Variants in PXK observed in about 807,000 individuals in gnomAD.
PXK encodes PX domain containing serine/threonine kinase like.
Under a neutral mutation model 84.7 loss-of-function variants are expected in PXK, and 35 were observed. The ratio of observed to expected loss-of-function variants is 0.41; its 90% CI spans 0.32 to 0.55. The LOEUF (loss-of-function observed/expected upper bound fraction) is 0.55. PXK is among the 20% of genes least tolerant of loss of function. PXK has a pLI of 0.21. For missense variants in PXK, 634 were observed against 699.7 expected, an observed-to-expected ratio of 0.91 and a Z score of 1.06; for synonymous variants, 253 against 260.8, an observed-to-expected ratio of 0.97 and a Z score of 0.29.
intron 3 of PXK, among the ~76,000 whole-genome samples, chr3:58,377,796 C>T (rs2098456376): frequency 6.6e-6 from 1 of 152,126 alleles, no homozygotes; most frequent in Non-Finnish European, 1.5e-5. Flanking sequence ...CACAATAAAA[C>T]ACTTTAAGCT....
chr3:58,424,934 G>A lies in PXK; in HGVS notation c.1711G>A (p.Asp571Asn). ...KGTLRKAKTC[D>N]HSAPKIG ...AACTTTGAGGAAAGCCAAAACCTGT[G>A]ATCACAGTGCTCCGAAGATCGGCTG... The change falls in exon 18 of 18, where the codon GAT becomes AAT. Residue 571 changes from aspartate (D) to asparagine (N), a missense_variant. By Grantham distance (23) the Asp-to-Asn change is conservative. This residue lies in a region of PXK where 273 missense variants were observed against 283.6 expected (regional missense o/e 0.96). Transcript: ENST00000356151. 1 of 1,614,070 alleles carries A rather than the reference G, an allele frequency of 6.2e-7. No individual in the cohort carries two copies. The highest frequency in any genetic ancestry group is 1.6e-4 in the Middle Eastern group (1 of 6,062).
At position 58,385,470 on chromosome 3, in the gene PXK, C is replaced by T. The variant is rs1389598573; in HGVS notation, c.388+2770C>T. On this transcript the variant is annotated intron_variant, in intron 4 of 17. Coordinates refer to ENST00000356151, the MANE Select transcript of PXK (RefSeq NM_017771.5). This position sits in a 1 kb window ranked among gnomAD's most constrained non-coding sequence, Gnocchi z 5.1. Reference sequence around the variant, plus strand: ...CGGAACATACCCTGCACGCCTCTCACCTTGTGGCACTTCTCTAAGCAGGGC... The same window carrying T: ...CGGAACATACCCTGCACGCCTCTCATCTTGTGGCACTTCTCTAAGCAGGGC... Among the ~76,000 whole-genome samples, 1 of 152,178 alleles carries T rather than the reference C, an allele frequency of 6.6e-6. No homozygotes were observed. Among genetic ancestry groups the T allele is most frequent in the African/African-American group, 2.4e-5 (1 of 41,438 alleles).
intron 1 of PXK, among the ~76,000 whole-genome samples, chr3:58,361,323 A>G (rs905301727): frequency 6.7e-6 from 1 of 150,144 alleles, no homozygotes; most frequent in Non-Finnish European, 1.5e-5. Flanking sequence ...AAAAAAATGC[A>G]GAGAGATCCC....
Position 58,421,570 on chromosome 3 carries a change from A to G in PXK, c.1529-3182A>G. On this transcript the variant is annotated intron_variant, in intron 17 of 17. Transcript: ENST00000356151. This position sits in a 1 kb window ranked among gnomAD's most constrained non-coding sequence, Gnocchi z 5.5. ...ACTCCAGCCTGGGCAACAGAGCGAG[A>G]CTCCATCTCAGAAAAAAAGGAACTG... 3 of 983,192 alleles carry G rather than the reference A, an allele frequency of 3.1e-6. No homozygotes were observed. The highest frequency in any genetic ancestry group is 3.6e-6 in the Non-Finnish European group (3 of 825,872). The allele number at this position is 983,192 out of a possible 1,614,324, so 60.9% of individuals were successfully genotyped here.
In PXK at chr3:58,412,397, A is replaced by C. The variant is rs972310834; in HGVS notation, c.1466-504A>C. Among the ~76,000 whole-genome samples, 1 of 152,128 alleles carries C rather than the reference A, an allele frequency of 6.6e-6. No homozygotes were observed. ...TAAGAAAAGGGCTGTGAAATCCATA[A>C]ACTGAATAGACTGACCCTATCTAGT... On this transcript the variant is annotated intron_variant, in intron 16 of 17. Coordinates refer to ENST00000356151, the MANE Select transcript of PXK (RefSeq NM_017771.5). This position sits in a 1 kb window ranked among gnomAD's most constrained non-coding sequence, Gnocchi z 6.2.
chr3:58,336,049 ATATATATATATATATATATATATTTT>A lies in PXK; in HGVS notation c.102+2961_102+2986del, dbSNP rs1307822560. Among the ~76,000 whole-genome samples, 259 of 48,512 alleles carry A rather than the reference ATATATATATATATATATATATATTTT, an allele frequency of 5.3e-3. 7 individuals are homozygous for A. Among genetic ancestry groups the A allele is most frequent in the African/African-American group, 0.024 (209 of 8,870 alleles). 31.8% of individuals were successfully genotyped at this position (48,512 alleles called of 152,430 possible). ...TTAACCTTGGGAAACATATATATAT[ATATATATATATATATATATATATTTT>A]TTTTTTTTTTTTTTAATACCAATGG... On this transcript the variant is annotated intron_variant, in intron 1 of 17. Coordinates refer to ENST00000356151, the MANE Select transcript of PXK (RefSeq NM_017771.5).
chr3:58,381,972 T>C (rs74284385), intron 3 of PXK, among the ~76,000 whole-genome samples: 19 of 152,110 alleles, frequency 1.2e-4, no homozygotes, highest in Non-Finnish European at 1.3e-4. Flanking sequence ...ATTATGTTTT[T>C]ATGTAACTTT....
At position 58,400,124 on chromosome 3, in the gene PXK, C is replaced by T. The variant is rs1265631304; in HGVS notation, c.1181+747C>T. On this transcript the variant is annotated intron_variant, in intron 12 of 17. Transcript: ENST00000356151. The surrounding 1 kb of genome is among the most constrained non-coding windows in gnomAD (Gnocchi z 4.0). ...GGGTGACCTTAGACAAATTTCCTAA[C>T]CTCTGGAAGTAGAGTTTTGTGAACT... Among the ~76,000 whole-genome samples the T allele has an allele frequency of 1.3e-5, 2 of 152,150 alleles. No homozygotes were observed. Among genetic ancestry groups the T allele is most frequent in the East Asian group, 3.9e-4 (2 of 5,150 alleles).
intron 1 of PXK, among the ~76,000 whole-genome samples, chr3:58,350,796 G>A (rs1346035240): frequency 6.6e-6 from 1 of 152,174 alleles, no homozygotes; most frequent in Non-Finnish European, 1.5e-5. Context: ...GTGTCTGCAT[G>A]GCATGTGTAC....
intron 3 of PXK, among the ~76,000 whole-genome samples, chr3:58,378,654 C>A (rs1333695818): frequency 1.3e-5 from 2 of 150,828 alleles, no homozygotes; most frequent in South Asian, 2.1e-4. Context: ...CCTGCCTCAG[C>A]CTCCTGAGTA....
At chr3:58,392,034 C>T (rs1462159182) in intron 7 of PXK, among the ~76,000 whole-genome samples, 187 bp downstream of exon 7, 1 of 152,150 alleles carries the variant, frequency 6.6e-6, no homozygotes, top group African/African-American at 2.4e-5. Flanking sequence ...ATGACATCTG[C>T]ACAACCCATG....
intron 1 of PXK, among the ~76,000 whole-genome samples, chr3:58,353,503 A>C (rs1315111153): frequency 1.3e-5 from 2 of 152,218 alleles, no homozygotes; most frequent in East Asian, 1.9e-4. Context: ...GGTAGGTTCT[A>C]GCACTGAAAA....
Position 58,409,436 on chromosome 3 carries a change from C to T in PXK, c.1309-96C>T, listed in dbSNP as rs2059860646. 3 of 1,120,880 alleles carry T rather than the reference C, an allele frequency of 2.7e-6. No individual in the cohort carries two copies. The highest frequency in any genetic ancestry group is 3.2e-5 in the African/African-American group (2 of 63,078). 69.4% of individuals were successfully genotyped at this position (1,120,880 alleles called of 1,614,324 possible). Reference sequence around the variant, plus strand: ...TGAGCAAGGAAAGATTTTCTTTTATCCCAATAAAATGTGGTTTGCCAAAAC... The same window carrying T: ...TGAGCAAGGAAAGATTTTCTTTTATTCCAATAAAATGTGGTTTGCCAAAAC... On this transcript the variant is annotated intron_variant, in intron 14 of 17. Coordinates refer to ENST00000356151, the MANE Select transcript of PXK (RefSeq NM_017771.5). This position sits in a 1 kb window ranked among gnomAD's most constrained non-coding sequence, Gnocchi z 4.2.
At chr3:58,415,247 A>G (rs539409407) in intron 17 of PXK, among the ~76,000 whole-genome samples, 1 of 152,046 alleles carries the variant, frequency 6.6e-6, no homozygotes, top group South Asian at 2.1e-4. Flanking sequence ...GACACTATCT[A>G]CCTGGAGATA....
Position 58,409,177 on chromosome 3 carries a change from G to A in PXK, c.1308+176G>A, listed in dbSNP as rs573792246. Among the ~76,000 whole-genome samples the A allele has an allele frequency of 3.3e-5, 5 of 152,294 alleles. No homozygotes were observed. The South Asian group carries it at 8.3e-4, about 25-fold the overall frequency. ...TGAATACTTGACAGTCCTGCCCTCA[G>A]TCCTGCCTAGTCTATGTGGGAAACA... On this transcript the variant is annotated intron_variant, in intron 14 of 17. Coordinates refer to ENST00000356151, the MANE Select transcript of PXK (RefSeq NM_017771.5). The surrounding 1 kb of genome is among the most constrained non-coding windows in gnomAD (Gnocchi z 4.2).
At chr3:58,393,279 C>T (rs1333052535) in intron 7 of PXK, among the ~76,000 whole-genome samples, 2 of 151,864 alleles carry the variant, frequency 1.3e-5, no homozygotes, top group East Asian at 1.9e-4. Context: ...ACCCGGGAGG[C>T]GGAGCTTGCA....
chr3:58,371,465 G>A (rs2098369710), intron 3 of PXK, among the ~76,000 whole-genome samples: 1 of 152,200 alleles, frequency 6.6e-6, no homozygotes, highest in Non-Finnish European at 1.5e-5. Context: ...AACTGTTTCT[G>A]CCTTTATGCT....
intron 3 of PXK, among the ~76,000 whole-genome samples, chr3:58,380,741 C>T (rs1009732480): frequency 3.3e-5 from 5 of 151,958 alleles, no homozygotes; most frequent in East Asian, 1.9e-4. Context: ...ACCCGGGAGG[C>T]GGAGTTTGCT....
chr3:58,400,285 C>G lies in PXK; in HGVS notation c.1181+908C>G, dbSNP rs1228363772. On this transcript the variant is annotated intron_variant, in intron 12 of 17. Coordinates refer to ENST00000356151, the MANE Select transcript of PXK (RefSeq NM_017771.5). The surrounding 1 kb of genome is among the most constrained non-coding windows in gnomAD (Gnocchi z 4.0). ...TATGCTTACTACTGAATCAGCTGATCTTTTTTGAATATCACACACCATGCA... is the reference window on the plus strand; with the variant it reads ...TATGCTTACTACTGAATCAGCTGATGTTTTTTGAATATCACACACCATGCA... 6.6e-6 allele frequency among the ~76,000 whole-genome samples: 1 copy of G among 152,138 alleles called. No homozygotes were observed. Among genetic ancestry groups the G allele is most frequent in the Admixed American group, 6.5e-5 (1 of 15,272 alleles).
Sources: allele counts gnomAD v4.1 joint callset (sites outside exome capture counted in the v4.1 genomes callset), GRCh38; gene constraint gnomAD v4.1.1; regional missense constraint gnomAD v4.1.1; non-coding constraint Gnocchi (gnomAD v3.1); transcripts MANE v1.5; gene names NCBI Gene and HGNC (gene_info 2026-07-23, HGNC 2026-07-21).